Variants in C4orf50 observed in about 807,000 individuals in gnomAD.
C4orf50 encodes uncharacterized protein C4orf50.
Under a neutral mutation model 77.2 loss-of-function variants are expected in C4orf50, and 80 were observed. The observed-to-expected ratio is 1.04, with a 90% confidence interval of 0.87 to 1.25. C4orf50 has a LOEUF of 1.25. Ranked by LOEUF, C4orf50 falls within the 50% of genes most tolerant of loss-of-function variation. C4orf50 has a pLI of 0.00. For synonymous variants in C4orf50, 532 were observed against 465.3 expected (o/e 1.14, Z -1.84); for missense variants, 1,257 against 1,152.9 (o/e 1.09, Z -1.31).
chr4:5,939,634 T>C (rs1207167393), intron 7 of C4orf50, among the ~76,000 whole-genome samples: 1 of 152,080 alleles, frequency 6.6e-6, no homozygotes, highest in Admixed American at 6.5e-5. Flanking sequence ...TGCACAGCTT[T>C]GGAATGTGGC....
intron 25 of C4orf50, among the ~76,000 whole-genome samples, chr4:6,004,320 CGTAATGGTGATGA>C (rs1722111418): frequency 4.3e-5 from 1 of 23,306 alleles, no homozygotes; most frequent in African/African-American, 1.1e-4. Context: ...ATGATGTGAT[CGTAATGGTGATGA>C]TGGTGATGGT....
intron 25 of C4orf50, among the ~76,000 whole-genome samples, chr4:6,003,650 A>ATGGTGATGATG (rs1721950845): frequency 9.4e-6 from 1 of 106,766 alleles, no homozygotes; most frequent in African/African-American, 3.5e-5. Context: ...TGTGATAGTG[A>ATGGTGATGATG]TGATGGTGAT....
intron 7 of C4orf50, chr4:5,923,276 C>G (rs1189859928): frequency 6.5e-6 from 1 of 154,340 alleles, no homozygotes; most frequent in Non-Finnish European, 1.5e-5. Context: ...GGATTCGAAC[C>G]TGTTTCTGAC....
chr4:5,965,458 G>A (rs1344927871), intron 32 of C4orf50, among the ~76,000 whole-genome samples: 3 of 152,228 alleles, frequency 2.0e-5, no homozygotes, highest in African/African-American at 7.2e-5. Flanking sequence ...GCTTAGCTTC[G>A]TAAGTGCAGC....
rs114097312 is a variant in C4orf50 at position 5,998,264 on chromosome 4, C to T, written c.964-3788G>A. Among the ~76,000 whole-genome samples the T allele has an allele frequency of 7.0e-3, 1,067 of 152,300 alleles. 18 individuals are homozygous for T. The highest frequency in any genetic ancestry group is 0.024 in the African/African-American group (1,002 of 41,556). On this transcript the variant is annotated intron_variant, in intron 25 of 33. Coordinates refer to ENST00000531445, the Ensembl canonical transcript of C4orf50. ...TGGCGTTATTTTTTAACTAATGGAG[C>T]TGTCCATATTTTTTTATTAAGACCA...
chr4:6,002,282 A>C (rs1256208358), intron 25 of C4orf50, among the ~76,000 whole-genome samples: 1 of 152,190 alleles, frequency 6.6e-6, no homozygotes, highest in Non-Finnish European at 1.5e-5. Context: ...GAGCCACCAG[A>C]AGCTGGGTGT....
intron 7 of C4orf50, among the ~76,000 whole-genome samples, chr4:5,921,308 G>A (rs1035371317): frequency 1.3e-5 from 2 of 152,198 alleles, no homozygotes; most frequent in African/African-American, 4.8e-5. Flanking sequence ...TTCTGTTCAG[G>A]AACTCAGAAA....
Position 6,007,032 on chromosome 4 carries a change from G to A in C4orf50, c.963+964C>T, listed in dbSNP as rs77050218. Among the ~76,000 whole-genome samples the A allele has an allele frequency of 0.015, 2,341 of 152,316 alleles. 58 individuals carry two copies. Among genetic ancestry groups the A allele is most frequent in the African/African-American group, 0.053 (2,198 of 41,566 alleles). ...CATGGCACAGCATGTTGAAGATTTT[G>A]TCTAGCGCAGGGCCTGGCTGTCAGC... On this transcript the variant is annotated intron_variant, in intron 25 of 33. Coordinates refer to ENST00000531445, the Ensembl canonical transcript of C4orf50. The surrounding 1 kb of genome is among the most constrained non-coding windows in gnomAD (Gnocchi z 4.1).
At chr4:6,013,984 T>C (rs904733109) in intron 23 of C4orf50, among the ~76,000 whole-genome samples, 1 of 150,740 alleles carries the variant, frequency 6.6e-6, no homozygotes, top group Non-Finnish European at 1.5e-5. Context: ...ATGATACTTT[T>C]ACTGTGTTTT....
chr4:5,938,455 C>A (rs115919827), intron 7 of C4orf50, among the ~76,000 whole-genome samples: 3,489 of 152,292 alleles, frequency 0.023, 49 homozygotes, highest in South Asian at 0.033. Flanking sequence ...ATCCAAGGGT[C>A]ACAGCGGGAG....
At chr4:5,922,462 C>A (rs1346915333) in intron 7 of C4orf50, among the ~76,000 whole-genome samples, 1 of 152,174 alleles carries the variant, frequency 6.6e-6, no homozygotes, top group Non-Finnish European at 1.5e-5. Context: ...CGAACACCTT[C>A]TAGGTGCTGG....
Position 5,970,595 on chromosome 4 carries a change from G to A in C4orf50, c.4104+3064C>T, listed in dbSNP as rs1719852691. On this transcript the variant is annotated intron_variant, in intron 31 of 33. Transcript: ENST00000531445. This position sits in a 1 kb window ranked among gnomAD's most constrained non-coding sequence, Gnocchi z 4.3. ...GCCCAACACCACATGCCTGCAGAAA[G>A]GGCACTGGGGCCAAACCGACTCTGA... is the stretch of plus-strand genomic sequence containing the variant. Among the ~76,000 whole-genome samples the A allele has an allele frequency of 6.6e-6, 1 of 152,208 alleles. No homozygotes were observed. Among genetic ancestry groups the A allele is most frequent in the Non-Finnish European group, 1.5e-5 (1 of 68,034 alleles).
intron 7 of C4orf50, among the ~76,000 whole-genome samples, chr4:5,922,418 TTCACTGACTTGG>T (rs1230101906): frequency 6.6e-6 from 1 of 152,222 alleles, no homozygotes; most frequent in Non-Finnish European, 1.5e-5. Flanking sequence ...GTAGTCAGCT[TTCACTGACTTGG>T]TCCAATTTGT....
chr4:5,918,680 A>G (rs1038272011), intron 7 of C4orf50, among the ~76,000 whole-genome samples: 1 of 152,190 alleles, frequency 6.6e-6, no homozygotes, highest in Admixed American at 6.5e-5. Flanking sequence ...TGCTGCATCC[A>G]AGCATCCCAA....
intron 7 of C4orf50, among the ~76,000 whole-genome samples, chr4:5,911,554 G>C (rs1716807363): frequency 6.6e-6 from 1 of 152,176 alleles, no homozygotes; most frequent in African/African-American, 2.4e-5. Flanking sequence ...CCATCAGAAT[G>C]ACAAAACATG....
chr4:5,990,622 G>A, exon 28 of C4orf50: 1 of 399,078 alleles, frequency 2.5e-6, no homozygotes, highest in Non-Finnish European at 4.4e-6. Context: ...TCGCCAAGAA[G>A]CGGAGTCCCC....
rs969827527 is a variant in C4orf50 at position 5,905,955 on chromosome 4, C to T, written c.*2475-7767G>A. Among the ~76,000 whole-genome samples the T allele has an allele frequency of 1.6e-4, 25 of 152,058 alleles. No individual in the cohort carries two copies. Among genetic ancestry groups the T allele is most frequent in the Non-Finnish European group, 3.2e-4 (22 of 68,022 alleles). On this transcript the variant is annotated intron_variant, in intron 7 of 7. Coordinates refer to the C4orf50 transcript ENST00000324058. The surrounding 1 kb of genome is among the most constrained non-coding windows in gnomAD (Gnocchi z 5.4). ...CAGAGGGACGGATGCCCTGCTTGCC[C>T]TCCTCACGTTACAGAGGGTGACATA...
intron 7 of C4orf50, chr4:5,898,890 T>C (rs1468983412): frequency 6.6e-6 from 1 of 152,220 alleles, no homozygotes; most frequent in Non-Finnish European, 1.5e-5. Flanking sequence ...ATTCTTCCAT[T>C]AGTCTTTCCA....
In C4orf50 at chr4:6,000,371, C is replaced by T. The variant is rs753309289; in HGVS notation, c.964-5895G>A. ...ACTTTAATTTATAAATTCCAGGCTGCATTCAACCTGAGAGCTGGTGGCTGG... is the reference window on the plus strand; with the variant it reads ...ACTTTAATTTATAAATTCCAGGCTGTATTCAACCTGAGAGCTGGTGGCTGG... On this transcript the variant is annotated intron_variant, in intron 25 of 33. Coordinates refer to ENST00000531445, the Ensembl canonical transcript of C4orf50. This position sits in a 1 kb window ranked among gnomAD's most constrained non-coding sequence, Gnocchi z 6.0. Among the ~76,000 whole-genome samples, 1 of 152,162 alleles carries T rather than the reference C, an allele frequency of 6.6e-6. No homozygotes were observed.
Sources: gnomAD v4.1 joint callset for allele counts (sites outside exome capture counted in the v4.1 genomes callset) on GRCh38, gnomAD v4.1.1 for gene constraint, Gnocchi (gnomAD v3.1) non-coding constraint, MANE v1.5 for transcripts, NCBI Gene and HGNC (gene_info 2026-07-23, HGNC 2026-07-21) for gene names.